Variants in LRBA observed in about 807,000 individuals in gnomAD.
LRBA encodes the protein LPS responsive beige-like anchor protein.
A neutral mutation model predicts 330.0 loss-of-function variants in LRBA; 176 were observed. That is an observed-to-expected ratio of 0.53 (90% CI 0.47 to 0.60). The LOEUF (loss-of-function observed/expected upper bound fraction) is 0.60. LRBA is among the 20% of genes least tolerant of loss of function. The probability of loss-of-function intolerance (pLI) is 0.00; values close to 1 mark genes in which losing one functional copy is unlikely to be tolerated. For missense variants in LRBA, 3,259 were observed against 3,444.8 expected (o/e 0.95, Z 1.35); for synonymous variants, 1,230 against 1,193.0 (o/e 1.03, Z -0.64).
At chr4:150,792,181 A>C (rs1740043863) in intron 34 of LRBA, among the ~76,000 whole-genome samples, 1 of 151,506 alleles carries the variant, frequency 6.6e-6, no homozygotes, top group Admixed American at 6.6e-5. Context: ...AATTTTCCTA[A>C]TACCGGATAG....
chr4:150,682,839 T>A (rs2126912623), intron 37 of LRBA, among the ~76,000 whole-genome samples: 1 of 152,224 alleles, frequency 6.6e-6, no homozygotes, highest in South Asian at 2.1e-4. Context: ...TTTCTGTCAT[T>A]AACTTTACTT....
rs188196925 is a variant in LRBA, at chr4:150,417,387, C to T, written c.7042-1797G>A. Among the ~76,000 whole-genome samples, 42 of 152,168 alleles carry T rather than the reference C, an allele frequency of 2.8e-4. No homozygotes were observed. The Middle Eastern group carries it at 0.014, about 49-fold the overall frequency. ...AAATTTTACCAAAATATGTTATTTT[C>T]ACTTCATAATACTTGTGCTACTGAA... is the stretch of plus-strand genomic sequence containing the variant. On this transcript the variant is annotated intron_variant, in intron 46 of 56. Transcript: ENST00000651943.
At chr4:150,726,687 G>C (rs904975530) in intron 36 of LRBA, among the ~76,000 whole-genome samples, 2 of 152,114 alleles carry the variant, frequency 1.3e-5, no homozygotes, top group African/African-American at 2.4e-5. Context: ...CAGATCTCAT[G>C]AGAACTCACT....
chr4:150,332,984 T>A (rs1734182180), intron 48 of LRBA, among the ~76,000 whole-genome samples: 1 of 152,098 alleles, frequency 6.6e-6, no homozygotes, highest in Non-Finnish European at 1.5e-5. Context: ...CTTGCATGAT[T>A]TTATAGCTAT....
intron 2 of LRBA, among the ~76,000 whole-genome samples, chr4:150,944,882 A>G (rs544474572): frequency 6.6e-6 from 1 of 152,314 alleles, no homozygotes; most frequent in South Asian, 2.1e-4. Context: ...TTCTCATGAT[A>G]GTGAATAAGT....
At position 150,639,827 on chromosome 4, in the gene LRBA, A is replaced by G. The variant is rs1421199338; in HGVS notation, c.5922-40696T>C. 4.5e-3 allele frequency among the ~76,000 whole-genome samples: 54 copies of G among 12,042 alleles called. 6 individuals are homozygous for G. Among genetic ancestry groups the G allele is most frequent in the South Asian group, 0.017 (4 of 234 alleles). 7.9% of individuals were successfully genotyped at this position (12,042 alleles called of 152,430 possible). A position where few individuals can be genotyped will look rare whatever the true frequency, so the allele number is the denominator to read the frequency against. On this transcript the variant is annotated intron_variant, in intron 37 of 56. Transcript: ENST00000651943. ...TATATGTGTGTGTGTGTGTATATATATATATATATATATATATATATATAT... is the reference window on the plus strand; with the variant it reads ...TATATGTGTGTGTGTGTGTATATATGTATATATATATATATATATATATAT...
intron 40 of LRBA, among the ~76,000 whole-genome samples, chr4:150,493,506 A>C (rs193254340): frequency 1.3e-5 from 2 of 152,210 alleles, no homozygotes; most frequent in Non-Finnish European, 2.9e-5. Context: ...AAAATTTCAC[A>C]TGGTTGAAAA....
At chr4:150,649,758 TTTA>T (rs1779536858) in intron 37 of LRBA, among the ~76,000 whole-genome samples, 19 of 152,254 alleles carry the variant, frequency 1.2e-4, no homozygotes, top group Admixed American at 6.5e-4. Flanking sequence ...GTTACCCCAA[TTTA>T]ATAAATATAA....
At chr4:150,367,605 C>T (rs759131372) in intron 47 of LRBA, among the ~76,000 whole-genome samples, 3 of 152,022 alleles carry the variant, frequency 2.0e-5, no homozygotes, top group Non-Finnish European at 4.4e-5. Flanking sequence ...ATGTTTATGC[C>T]GAAACTCGGA....
intron 2 of LRBA, among the ~76,000 whole-genome samples, chr4:150,949,632 T>C (rs1352249718): frequency 6.6e-6 from 1 of 152,090 alleles, no homozygotes; most frequent in Non-Finnish European, 1.5e-5. Context: ...AAAAAATAAG[T>C]AATTCTATGT....
chr4:150,658,019 G>A (rs1780385177), intron 37 of LRBA, among the ~76,000 whole-genome samples: 1 of 152,090 alleles, frequency 6.6e-6, no homozygotes, highest in Non-Finnish European at 1.5e-5. Flanking sequence ...CTTGCCTAGT[G>A]TGTAATTACA....
chr4:150,980,599 G>A (rs185319844), intron 2 of LRBA, among the ~76,000 whole-genome samples: 66 of 152,266 alleles, frequency 4.3e-4, no homozygotes, highest in African/African-American at 1.5e-3. Flanking sequence ...GCAGTGAGAC[G>A]AGATCACGCC....
At chr4:150,506,074 G>C (rs1010722054) in intron 40 of LRBA, among the ~76,000 whole-genome samples, 2 of 152,182 alleles carry the variant, frequency 1.3e-5, no homozygotes, top group African/African-American at 4.8e-5. Context: ...CTGAAATTGA[G>C]GCAATAATTA....
intron 27 of LRBA, 30 bp from the exon 28 acceptor site, chr4:150,844,237 A>C (rs754476604): frequency 1.0e-6 from 1 of 999,784 alleles, no homozygotes; most frequent in Non-Finnish European, 1.5e-6. Flanking sequence ...AATTGTATAT[A>C]TATATATTCA....
chr4:150,801,318 G>A (rs539482399), intron 33 of LRBA, among the ~76,000 whole-genome samples: 11 of 152,170 alleles, frequency 7.2e-5, no homozygotes, highest in South Asian at 4.2e-4. Flanking sequence ...ACACTAAGTC[G>A]AAATTTCAAA....
chr4:150,741,964 C>T (rs952907555), intron 35 of LRBA, among the ~76,000 whole-genome samples: 1 of 151,824 alleles, frequency 6.6e-6, no homozygotes, highest in Admixed American at 6.6e-5. Context: ...AACAAACGAC[C>T]CATTCTGATT....
At chr4:150,894,343 C>T (rs956425759) in intron 16 of LRBA, among the ~76,000 whole-genome samples, 1 of 151,988 alleles carries the variant, frequency 6.6e-6, no homozygotes, top group Non-Finnish European at 1.5e-5. Context: ...TATCTATTGT[C>T]CCTATAAAGA....
In LRBA at chr4:150,798,226, A is replaced by G. The variant is rs927183644; in HGVS notation, c.5519-84T>C. 17 of 903,268 alleles carry G rather than the reference A, an allele frequency of 1.9e-5. No homozygotes were observed. In the African/African-American group the frequency reaches 2.1e-4, roughly 11 times the overall value. The allele number at this position is 903,268 out of a possible 1,614,324, so 56.0% of individuals were successfully genotyped here. Reference sequence around the variant, plus strand: ...CAATTTCATCCAAACTGTTTCTTCAAATTATTTTTTCAGACTATTAATAGT... The same window carrying G: ...CAATTTCATCCAAACTGTTTCTTCAGATTATTTTTTCAGACTATTAATAGT... On this transcript the variant is annotated intron_variant, in intron 33 of 56. Coordinates refer to ENST00000651943, the MANE Select transcript of LRBA (RefSeq NM_001364905.1).
chr4:150,549,489 G>A (rs1052831323), intron 40 of LRBA, among the ~76,000 whole-genome samples: 35 of 151,832 alleles, frequency 2.3e-4, no homozygotes, highest in African/African-American at 6.5e-4. Flanking sequence ...CCGTCACCAC[G>A]CCCGGCTAAT....
Sources: allele counts gnomAD v4.1 joint callset (sites outside exome capture counted in the v4.1 genomes callset), GRCh38; gene constraint gnomAD v4.1.1; transcripts MANE v1.5; gene names NCBI Gene and HGNC (gene_info 2026-07-23, HGNC 2026-07-21).